PTH1R: variants seen among roughly 807,000 people sequenced by gnomAD.
PTH1R encodes the protein parathyroid hormone 1 receptor.
Under a neutral mutation model 70.7 loss-of-function variants are expected in PTH1R, and 32 were observed. The observed-to-expected ratio is 0.45, with a 90% CI of 0.34 to 0.61. The LOEUF (loss-of-function observed/expected upper bound fraction) is 0.61. Ranked by LOEUF, PTH1R falls within the 20% of genes least tolerant of loss-of-function variation. The probability of loss-of-function intolerance (pLI) is 0.01; values close to 1 mark genes in which losing one functional copy is unlikely to be tolerated. For synonymous variants in PTH1R, 329 were observed against 324.8 expected (o/e 1.01, Z -0.14); for missense variants, 626 against 792.5 (o/e 0.79, Z 2.52).
chr3:46,888,537 G>A (rs1434271619), intron 3 of PTH1R, among the ~76,000 whole-genome samples: 1 of 152,210 alleles, frequency 6.6e-6, no homozygotes, highest in Admixed American at 6.5e-5. Context: ...GAAAAGGTGG[G>A]GCGAGGGTTT....
In PTH1R at chr3:46,882,159, A is replaced by T. The variant is rs1396874767; in HGVS notation, c.-49+1041A>T. 2 of 145,512 alleles carry T rather than the reference A, an allele frequency of 1.4e-5. No homozygotes were observed. The highest frequency in any genetic ancestry group is 2.5e-5 in the African/African-American group (1 of 39,306). 9.0% of individuals were successfully genotyped at this position (145,512 alleles called of 1,614,324 possible). A position where few individuals can be genotyped will look rare whatever the true frequency, so the allele number is the denominator to read the frequency against. On this transcript the variant is annotated intron_variant, in intron 2 of 15. Coordinates refer to ENST00000449590, the MANE Select transcript of PTH1R (RefSeq NM_000316.3). The surrounding 1 kb of genome is among the most constrained non-coding windows in gnomAD (Gnocchi z 4.3). ...GGAAGGCTCCTCTCGGCCTCTCCAC[A>T]CTCCCGCGTCGGCGGCTGCGGAGGG... is the stretch of plus-strand genomic sequence containing the variant.
chr3:46,893,936 G>GGAAC lies in PTH1R; in HGVS notation c.106_109dup (p.Gln37ArgfsTer47), dbSNP rs1369706285. ...ATGCAGATGACGTCATGACTAAAGAGGAACAGATCTTCCTGCTGCACCGTG... is the reference window on the plus strand; with the variant it reads ...ATGCAGATGACGTCATGACTAAAGAGGAACGAACAGATCTTCCTGCTGCACCGTG... On this transcript the variant is annotated frameshift_variant, in exon 4 of 16. Coordinates refer to ENST00000449590, the MANE Select transcript of PTH1R (RefSeq NM_000316.3). LOFTEE classifies it high-confidence loss of function. The surrounding 1 kb of genome is among the most constrained non-coding windows in gnomAD (Gnocchi z 5.2). The GGAAC allele has an allele frequency of 6.2e-7, 1 of 1,614,046 alleles. No individual in the cohort carries two copies. The highest frequency in any genetic ancestry group is 1.7e-5 in the Admixed American group (1 of 60,006).
At position 46,892,319 on chromosome 3, in the gene PTH1R, GC is replaced by G. The variant is rs972727813; in HGVS notation, c.76-1585del. 9.2e-5 allele frequency among the ~76,000 whole-genome samples: 14 copies of G among 152,176 alleles called. No individual in the cohort carries two copies. The highest frequency in any genetic ancestry group is 1.6e-4 in the Non-Finnish European group (11 of 68,038). Reference sequence around the variant, plus strand: ...CCTCACTCACAGACGCACACACGCCGCCCTATGCCCAGAAATACATGTGCAC... The same window carrying G: ...CCTCACTCACAGACGCACACACGCCGCCTATGCCCAGAAATACATGTGCAC... On this transcript the variant is annotated intron_variant, in intron 3 of 15. Coordinates refer to ENST00000449590, the MANE Select transcript of PTH1R (RefSeq NM_000316.3). This position sits in a 1 kb window ranked among gnomAD's most constrained non-coding sequence, Gnocchi z 5.2.
At chr3:46,899,546 C>A in intron 10 of PTH1R, 90 bp downstream of exon 10, 1 of 1,491,462 alleles carries the variant, frequency 6.7e-7, no homozygotes. Context: ...GGCGCCCACA[C>A]AGCACATCCC....
At chr3:46,886,451 G>A (rs564938968) in intron 3 of PTH1R, among the ~76,000 whole-genome samples, 14 of 152,202 alleles carry the variant, frequency 9.2e-5, no homozygotes, top group African/African-American at 2.9e-4. Flanking sequence ...TCTGCCTCCC[G>A]GGTTCACGCC....
At chr3:46,878,146 C>G (rs2030342022) in intron 1 of PTH1R, among the ~76,000 whole-genome samples, 1 of 152,216 alleles carries the variant, frequency 6.6e-6, no homozygotes, top group Non-Finnish European at 1.5e-5. Flanking sequence ...TCCTGAGAGG[C>G]AAGAAAGCCA....
rs1415520107 is a variant in PTH1R, at chr3:46,901,446, G to A, written c.1082G>A (p.Trp361Ter). 6.3e-7 allele frequency: 1 copy of A among 1,576,268 alleles called. No individual in the cohort carries two copies. The highest frequency in any genetic ancestry group is 8.6e-7 in the Non-Finnish European group (1 of 1,160,234). ...GACTTGAGCTCCGGGAACAAAAAGT[G>A]GATCATCCAGGTGCCCATCCTGGCC... Reference protein sequence around the residue: ...CWDLSSGNKKWIIQVPILASI... With the variant: ...CWDLSSGNKK Residue 361 changes from tryptophan to a stop codon, truncating the protein, a stop_gained, in exon 12 of 16, where the codon TGG becomes TAG. Transcript: ENST00000449590. LOFTEE classifies it high-confidence loss of function. This position sits in a 1 kb window ranked among gnomAD's most constrained non-coding sequence, Gnocchi z 7.3.
chr3:46,901,335 C>A lies in PTH1R; in HGVS notation c.1050-79C>A. ...GTGTCCTCAACAGCTAATGTCAGAC[C>A]AGACCAAATCTGGGTCTCTGTGGGC... On this transcript the variant is annotated intron_variant, in intron 11 of 15. Transcript: ENST00000449590. This position sits in a 1 kb window ranked among gnomAD's most constrained non-coding sequence, Gnocchi z 7.3. 6.6e-7 allele frequency: 1 copy of A among 1,518,986 alleles called. No homozygotes were observed. Among genetic ancestry groups the A allele is most frequent in the Non-Finnish European group, 8.9e-7 (1 of 1,118,852 alleles). The allele number at this position is 1,518,986 out of a possible 1,614,324, so 94.1% of individuals were successfully genotyped here.
chr3:46,890,645 G>C (rs900569157), intron 3 of PTH1R, among the ~76,000 whole-genome samples: 29 of 152,030 alleles, frequency 1.9e-4, no homozygotes, highest in African/African-American at 6.8e-4. Flanking sequence ...TGGGATTACA[G>C]GCGCACCACC....
chr3:46,894,836 G>A (rs534541437), intron 4 of PTH1R, among the ~76,000 whole-genome samples: 1 of 152,148 alleles, frequency 6.6e-6, no homozygotes, highest in African/African-American at 2.4e-5. Context: ...AAATGAGGAA[G>A]ACTTTGTGGC....
chr3:46,892,942 G>A lies in PTH1R; in HGVS notation c.76-965G>A, dbSNP rs1575516352. ...CCGCCCTGGGGAGGTTTCAGAGACCGCCTTAACCTCTGCGGGTCACATTCA... is the reference window on the plus strand; with the variant it reads ...CCGCCCTGGGGAGGTTTCAGAGACCACCTTAACCTCTGCGGGTCACATTCA... On this transcript the variant is annotated intron_variant, in intron 3 of 15. Coordinates refer to ENST00000449590, the MANE Select transcript of PTH1R (RefSeq NM_000316.3). This position sits in a 1 kb window ranked among gnomAD's most constrained non-coding sequence, Gnocchi z 5.2. 1 of 370,624 alleles carries A rather than the reference G, an allele frequency of 2.7e-6. No homozygotes were observed. Among genetic ancestry groups the A allele is most frequent in the Non-Finnish European group, 3.7e-6 (1 of 267,090 alleles). The allele number at this position is 370,624 out of a possible 1,614,324, so 23.0% of individuals were successfully genotyped here.
chr3:46,882,317 G>A lies in PTH1R; in HGVS notation c.-48-1195G>A, dbSNP rs910308404. 1.3e-5 allele frequency: 2 copies of A among 151,956 alleles called. No individual in the cohort carries two copies. The highest frequency in any genetic ancestry group is 2.9e-5 in the Non-Finnish European group (2 of 67,962). 9.4% of individuals were successfully genotyped at this position (151,956 alleles called of 1,614,324 possible). A position where few individuals can be genotyped will look rare whatever the true frequency, so the allele number is the denominator to read the frequency against. On this transcript the variant is annotated intron_variant, in intron 2 of 15. Coordinates refer to ENST00000449590, the MANE Select transcript of PTH1R (RefSeq NM_000316.3). This position sits in a 1 kb window ranked among gnomAD's most constrained non-coding sequence, Gnocchi z 4.3. ...GGCTCCGAGCGGCGGCCGGGCGGGG[G>A]GCGCTGGAGGCCAGGCCGGCCAGCG... is the stretch of plus-strand genomic sequence containing the variant.
At chr3:46,898,537 G>A (rs2031903875) in intron 8 of PTH1R, 65 bp downstream of exon 8, 3 of 1,602,680 alleles carry the variant, frequency 1.9e-6, no homozygotes, top group Admixed American at 3.4e-5. Flanking sequence ...GAGGTCTGAT[G>A]CGACCCCCTC....
rs757726949 is a variant in PTH1R at position 46,899,358 on chromosome 3, A to G, written c.890A>G (p.Tyr297Cys). 1.2e-6 allele frequency: 2 copies of G among 1,613,532 alleles called. No individual in the cohort carries two copies. The highest frequency in any genetic ancestry group is 1.7e-6 in the Non-Finnish European group (2 of 1,179,892). The change falls in exon 10 of 16, where the codon TAC becomes TGC. Residue 297 changes from tyrosine to cysteine, a missense_variant. Coordinates refer to ENST00000449590, the MANE Select transcript of PTH1R (RefSeq NM_000316.3). Reference sequence around the variant, plus strand: ...CTTTACTTCCTGGCCACCAACTACTACTGGATTCTGGTGGAGGGGCTGTAC... The same window carrying G: ...CTTTACTTCCTGGCCACCAACTACTGCTGGATTCTGGTGGAGGGGCTGTAC... ...FFLYFLATNY[Y>C]WILVEGLYLH...
intron 10 of PTH1R, 100 bp from the exon 11 acceptor site, chr3:46,900,925 G>A (rs543189351): frequency 2.2e-6 from 3 of 1,335,978 alleles, no homozygotes; most frequent in African/African-American, 1.5e-5. Context: ...AGGGGTTCAG[G>A]GCAATGGTGG....
At chr3:46,895,066 AAAAAAAAAC>A (rs1254948690) in intron 4 of PTH1R, among the ~76,000 whole-genome samples, 2 of 106,076 alleles carry the variant, frequency 1.9e-5, no homozygotes, top group African/African-American at 5.5e-5. Context: ...CTTGTCTCAA[AAAAAAAAAC>A]AAAAAAAACA....
intron 9 of PTH1R, 32 bp downstream of exon 9, chr3:46,898,889 G>A: frequency 1.4e-6 from 2 of 1,438,300 alleles, no homozygotes; most frequent in Non-Finnish European, 1.9e-6. Context: ...CGCTCCCGGT[G>A]CCGCCACTGG....
In PTH1R at chr3:46,896,030, T is replaced by TGGGA. The variant is rs921765285; in HGVS notation, c.313+162_313+165dup. On this transcript the variant is annotated intron_variant, in intron 5 of 15. Coordinates refer to ENST00000449590, the MANE Select transcript of PTH1R (RefSeq NM_000316.3). This position sits in a 1 kb window ranked among gnomAD's most constrained non-coding sequence, Gnocchi z 4.1. ...GGGGCTGGGAGAAGACAGAGTGTAG[T>TGGGA]GGGAAGGAAGGGGAGCTAGATGGCT... 2.0e-5 allele frequency among the ~76,000 whole-genome samples: 3 copies of TGGGA among 151,116 alleles called. No homozygotes were observed. The highest frequency in any genetic ancestry group is 3.0e-5 in the Non-Finnish European group (2 of 67,784).
rs2030873728 is a variant in PTH1R, at chr3:46,884,290, G to A, written c.75+656G>A. On this transcript the variant is annotated intron_variant, in intron 3 of 15. Transcript: ENST00000449590. This position sits in a 1 kb window ranked among gnomAD's most constrained non-coding sequence, Gnocchi z 4.8. ...AAGTGAGGAGACCCCTGGAAAGACTGTCACTCCCTGAGAGTGACCTAAAAG... is the reference window on the plus strand; with the variant it reads ...AAGTGAGGAGACCCCTGGAAAGACTATCACTCCCTGAGAGTGACCTAAAAG... 3.3e-5 allele frequency among the ~76,000 whole-genome samples: 5 copies of A among 152,172 alleles called. No homozygotes were observed. The highest frequency in any genetic ancestry group is 3.3e-4 in the Admixed American group (5 of 15,280).
Sources: allele counts gnomAD v4.1 joint callset (sites outside exome capture counted in the v4.1 genomes callset), GRCh38; gene constraint gnomAD v4.1.1; non-coding constraint Gnocchi (gnomAD v3.1); transcripts MANE v1.5; gene names NCBI Gene and HGNC (gene_info 2026-07-23, HGNC 2026-07-21).